PAK3: variants seen among roughly 807,000 people sequenced by gnomAD.
The protein encoded by PAK3 is serine/threonine-protein kinase PAK 3.
In PAK3, 4 loss-of-function variants were observed where a neutral mutation model predicts 41.0. That is an observed-to-expected ratio of 0.10 (90% CI 0.05 to 0.22). The LOEUF (loss-of-function observed/expected upper bound fraction) is 0.22, where lower values mean the gene tolerates loss of function less well. Among genes scored for constraint, PAK3 ranks in the 10% least tolerant of loss-of-function variants. The pLI is 1.00. For synonymous variants in PAK3, 146 were observed against 139.6 expected, an observed-to-expected ratio of 1.05 and a Z score of -0.32; for missense variants, 205 against 409.9, an observed-to-expected ratio of 0.50 and a Z score of 4.32.
At chrX:111,021,366 C>A (rs2092178476) in intron 1 of PAK3, among the ~76,000 whole-genome samples, 1 of 112,165 alleles carries the variant, frequency 8.9e-6, no homozygotes, top group Non-Finnish European at 1.9e-5. Context: ...TCACAGGACT[C>A]TTTGCAGAAA....
intron 1 of PAK3, among the ~76,000 whole-genome samples, chrX:111,058,427 G>A (rs1276743610): frequency 9.0e-6 from 1 of 111,521 alleles, no homozygotes; most frequent in East Asian, 2.8e-4. Context: ...CAATTTCCCT[G>A]ATGATTAATA....
At chrX:111,021,171 T>C (rs921218426) in intron 1 of PAK3, among the ~76,000 whole-genome samples, 7 of 111,928 alleles carry the variant, frequency 6.3e-5, no homozygotes, top group African/African-American at 2.0e-4. Context: ...TGCATCCTCC[T>C]TGTAGGGCCA....
intron 1 of PAK3, among the ~76,000 whole-genome samples, chrX:111,001,152 T>G (rs1431831311): frequency 8.9e-6 from 1 of 111,947 alleles, no homozygotes; most frequent in Non-Finnish European, 1.9e-5. Flanking sequence ...CAAAATCAGT[T>G]TGCCGCATTC....
intron 1 of PAK3, among the ~76,000 whole-genome samples, chrX:111,071,185 C>G (rs1347609756): frequency 1.8e-5 from 2 of 111,895 alleles, no homozygotes; most frequent in African/African-American, 6.5e-5. Flanking sequence ...CTATTCCTTG[C>G]TTACACCATT....
chrX:111,084,673 G>A (rs1264855908), intron 1 of PAK3, among the ~76,000 whole-genome samples: 4 of 112,063 alleles, frequency 3.6e-5, no homozygotes, highest in Non-Finnish European at 5.6e-5. Context: ...AAGTTCTGAT[G>A]TCAAGTTTGT....
At chrX:111,039,150 C>G (rs773849171) in intron 1 of PAK3, among the ~76,000 whole-genome samples, 1 of 112,411 alleles carries the variant, frequency 8.9e-6, no homozygotes, top group South Asian at 3.7e-4. Context: ...TAAAATTGAT[C>G]AATACAATTC....
intron 1 of PAK3, among the ~76,000 whole-genome samples, chrX:110,964,045 T>C (rs1022332685): frequency 8.9e-6 from 1 of 111,799 alleles, no homozygotes; most frequent in Non-Finnish European, 1.9e-5. Context: ...TTATTATTCA[T>C]TGAAACATGA....
intron 1 of PAK3, among the ~76,000 whole-genome samples, chrX:110,980,499 G>C (rs1339068404): frequency 9.0e-6 from 1 of 111,563 alleles, no homozygotes; most frequent in Non-Finnish European, 1.9e-5. Flanking sequence ...GGAAGTCATG[G>C]AATATTCTGC....
chrX:111,131,577 G>A (rs565914603), intron 5 of PAK3, among the ~76,000 whole-genome samples: 52 of 110,665 alleles, frequency 4.7e-4, no homozygotes, highest in Middle Eastern at 4.6e-3. Flanking sequence ...AAATTTGTAG[G>A]CCCACACAAT....
chrX:111,199,165 G>A (rs2094650021), intron 16 of PAK3, among the ~76,000 whole-genome samples: 1 of 111,400 alleles, frequency 9.0e-6, no homozygotes, highest in African/African-American at 3.2e-5. Context: ...AAGTTTTTTA[G>A]CATTGATTTT....
intron 10 of PAK3, among the ~76,000 whole-genome samples, chrX:111,167,086 T>C (rs993433669): frequency 2.7e-5 from 3 of 111,715 alleles, no homozygotes; most frequent in Non-Finnish European, 5.7e-5. Flanking sequence ...AACAGTAATA[T>C]AAAATTGTTA....
At chrX:110,953,962 A>G (rs2090798225) in intron 1 of PAK3, among the ~76,000 whole-genome samples, 3 of 111,783 alleles carry the variant, frequency 2.7e-5, no homozygotes, top group Admixed American at 9.5e-5. Flanking sequence ...TTTGAATCCT[A>G]TTTCAAATTT....
At chrX:111,031,848 G>A (rs753529772) in intron 1 of PAK3, among the ~76,000 whole-genome samples, 1 of 111,434 alleles carries the variant, frequency 9.0e-6, no homozygotes, top group Non-Finnish European at 1.9e-5. Flanking sequence ...ACCAATGTAG[G>A]CAACAAACAA....
intron 1 of PAK3, among the ~76,000 whole-genome samples, chrX:111,015,255 C>A (rs1027724658): frequency 9.1e-6 from 1 of 110,351 alleles, no homozygotes; most frequent in Non-Finnish European, 1.9e-5. Flanking sequence ...CAGGTTGATC[C>A]ATGTTGTAGC....
chrX:111,164,493 T>C (rs1303961189), intron 10 of PAK3, among the ~76,000 whole-genome samples: 1 of 111,100 alleles, frequency 9.0e-6, no homozygotes, highest in African/African-American at 3.3e-5. Context: ...ATGTTGCTTG[T>C]CCCTCCCAGT....
rs755257835 is a variant in PAK3 at position 111,115,001 on chromosome X, G to T, written c.-27-8076G>T. Among the ~76,000 whole-genome samples the T allele has an allele frequency of 1.6e-4, 18 of 112,137 alleles. No individual in the cohort carries two copies. In the East Asian group the frequency reaches 5.1e-3, roughly 32 times the overall value. On this transcript the variant is annotated intron_variant, in intron 4 of 17. Transcript: ENST00000372007. Reference sequence around the variant, plus strand: ...CCTAACTTCCTTCTTGTGTGGTAAGGGCTGGGCCCTGTGATCTCAGCTTGG... The same window carrying T: ...CCTAACTTCCTTCTTGTGTGGTAAGTGCTGGGCCCTGTGATCTCAGCTTGG...
intron 1 of PAK3, among the ~76,000 whole-genome samples, chrX:111,002,022 A>T (rs1255362888): frequency 9.0e-6 from 1 of 111,580 alleles, no homozygotes; most frequent in Non-Finnish European, 1.9e-5. Flanking sequence ...AATAATAATT[A>T]TTATTATGTA....
At chrX:111,099,910 T>A (rs2093093274) in intron 3 of PAK3, among the ~76,000 whole-genome samples, 1 of 108,638 alleles carries the variant, frequency 9.2e-6, no homozygotes, top group African/African-American at 3.4e-5. Context: ...TATAGCCCTC[T>A]TCTTCCCCTG....
rs1416849989 is a variant in PAK3, at chrX:111,221,862, T to C, written c.*1415T>C. The C allele has an allele frequency of 8.9e-6, 1 of 112,101 alleles. No individual in the cohort carries two copies. Among genetic ancestry groups the C allele is most frequent in the Non-Finnish European group, 1.9e-5 (1 of 53,179 alleles). The allele number at this position is 112,101 out of a possible 1,213,427, so 9.2% of individuals were successfully genotyped here. A position where few individuals can be genotyped will look rare whatever the true frequency, so the allele number is the denominator to read the frequency against. ...TCTCCAGTGGAAAATAATTTTAACT[T>C]ACAATCATATCCCAAGAAATGTCAG... On this transcript the variant is annotated 3_prime_UTR_variant, in exon 18 of 18. Coordinates refer to ENST00000372007, the MANE Select transcript of PAK3 (RefSeq NM_002578.5).
Sources: gnomAD v4.1 joint callset for allele counts (sites outside exome capture counted in the v4.1 genomes callset) on GRCh38, gnomAD v4.1.1 for gene constraint, MANE v1.5 for transcripts, NCBI Gene and HGNC (gene_info 2026-07-23, HGNC 2026-07-21) for gene names.